Variants in ZEB1 observed in about 807,000 individuals in gnomAD.
ZEB1 encodes the protein zinc finger E-box binding homeobox 1, also known as zinc finger E-box-binding homeobox 1.
A neutral mutation model predicts 84.9 loss-of-function variants in ZEB1; 21 were observed. The observed-to-expected ratio is 0.25, with a 90% CI of 0.18 to 0.36. ZEB1 has a LOEUF of 0.36. Ranked by LOEUF, ZEB1 falls within the 10% of genes least tolerant of loss-of-function variation. ZEB1 has a pLI of 1.00. For missense variants in ZEB1, 1,104 were observed against 1,330.2 expected, an observed-to-expected ratio of 0.83 and a Z score of 2.65; for synonymous variants, 420 against 471.1, an observed-to-expected ratio of 0.89 and a Z score of 1.41.
chr10:31,405,042 C>G (rs943340886), intron 1 of ZEB1, among the ~76,000 whole-genome samples: 1 of 152,146 alleles, frequency 6.6e-6, no homozygotes, highest in African/African-American at 2.4e-5. Context: ...TGCACTGAGT[C>G]TCACAAATTA....
chr10:31,341,897 G>A (rs138817503), intron 1 of ZEB1, among the ~76,000 whole-genome samples: 27 of 152,284 alleles, frequency 1.8e-4, no homozygotes, highest in African/African-American at 6.0e-4. Flanking sequence ...ATTGGTGGGG[G>A]AGATCAGAAT....
chr10:31,510,808 G>A lies in ZEB1; in HGVS notation c.620G>A (p.Ser207Asn). The A allele has an allele frequency of 2.5e-6, 4 of 1,613,954 alleles. No homozygotes were observed. Among genetic ancestry groups the A allele is most frequent in the Non-Finnish European group, 3.4e-6 (4 of 1,179,910 alleles). Residue 207 changes from serine (S) to asparagine (N), a missense_variant, in exon 5 of 9, where the codon AGT (serine) becomes AAT (asparagine). Ser to Asn is a conservative substitution (Grantham distance 46). Around this residue, in one of 7 missense-constraint regions of ZEB1, gnomAD observed 71 missense variants for 119.1 expected, o/e 0.60. Coordinates refer to ENST00000424869, the MANE Select transcript of ZEB1 (RefSeq NM_001174096.2). ...NEDNFSCSLC[S>N]YTFAYRTQLE... Reference sequence around the variant, plus strand: ...GATAACTTTAGTTGCTCCCTGTGCAGTTACACCTTTGCATACAGAACCCAA... The same window carrying A: ...GATAACTTTAGTTGCTCCCTGTGCAATTACACCTTTGCATACAGAACCCAA...
intron 2 of ZEB1, among the ~76,000 whole-genome samples, chr10:31,495,511 C>T (rs2067096123): frequency 6.6e-6 from 1 of 151,880 alleles, no homozygotes; most frequent in African/African-American, 2.4e-5. Flanking sequence ...AGGAAAAAAT[C>T]CAAATTAAAT....
chr10:31,482,167 A>G (rs2065128412), intron 2 of ZEB1, among the ~76,000 whole-genome samples: 2 of 152,060 alleles, frequency 1.3e-5, no homozygotes, highest in African/African-American at 4.8e-5. Flanking sequence ...AGACATAGTG[A>G]CATACCATGT....
At chr10:31,435,995 C>G (rs2058253128) in intron 1 of ZEB1, among the ~76,000 whole-genome samples, 1 of 151,940 alleles carries the variant, frequency 6.6e-6, no homozygotes, top group Non-Finnish European at 1.5e-5. Context: ...GGAATTTGCC[C>G]CTAGAGAAGA....
chr10:31,502,433 T>A lies in ZEB1; in HGVS notation c.408T>A (p.Thr136=), dbSNP rs761082414. The change falls in exon 4 of 9, where the codon ACT becomes ACA. Residue 136 remains threonine (T), a synonymous_variant. Coordinates refer to ENST00000424869, the MANE Select transcript of ZEB1 (RefSeq NM_001174096.2). The stretch of plus-strand genomic sequence containing the variant: ...AAGAGTTTCTACAACAACAAGACAC[T>A]GCTGTCATTTTTCCTGAGGCACCTG... ...NVEEFLQQQD[T]AVIFPEAPEE... is the part of the protein sequence containing the mutation. 4.3e-6 allele frequency: 7 copies of A among 1,613,866 alleles called. No individual in the cohort carries two copies. Among genetic ancestry groups the A allele is most frequent in the Non-Finnish European group, 5.9e-6 (7 of 1,179,834 alleles).
At chr10:31,526,592 C>A in intron 8 of ZEB1, 80 bp from the exon 9 acceptor site, 1 of 1,543,336 alleles carries the variant, frequency 6.5e-7, no homozygotes, top group Non-Finnish European at 8.8e-7. Flanking sequence ...CTTTCTACAA[C>A]ATGAAGTACC....
intron 1 of ZEB1, among the ~76,000 whole-genome samples, chr10:31,445,369 A>C (rs2059622334): frequency 6.7e-6 from 1 of 149,326 alleles, no homozygotes. Context: ...AAACAGGGAC[A>C]ATTTGACTTC....
At chr10:31,379,705 G>A (rs534615542) in intron 1 of ZEB1, among the ~76,000 whole-genome samples, 9 of 132,344 alleles carry the variant, frequency 6.8e-5, no homozygotes, top group African/African-American at 3.3e-4. Context: ...TGTTCCAAAG[G>A]CTTGAATTAA....
intron 1 of ZEB1, among the ~76,000 whole-genome samples, chr10:31,443,874 C>T (rs1401744915): frequency 2.0e-5 from 3 of 151,274 alleles, no homozygotes; most frequent in South Asian, 2.1e-4. Flanking sequence ...AATAAACATA[C>T]GTGTGCATGT....
At chr10:31,508,085 G>T (rs929120528) in intron 4 of ZEB1, among the ~76,000 whole-genome samples, 1 of 152,096 alleles carries the variant, frequency 6.6e-6, no homozygotes, top group Non-Finnish European at 1.5e-5. Context: ...TGATTTCCTC[G>T]TTGGCTTAGG....
chr10:31,345,546 A>G lies in ZEB1; in HGVS notation c.58+26254A>G, dbSNP rs370221777. The stretch of plus-strand genomic sequence containing the variant: ...CCATAAAGAGCTAAAGACAAAACCA[A>G]ATCAACTGCTAACACCTTTTATGGG... On this transcript the variant is annotated intron_variant, in intron 1 of 8. Transcript: ENST00000424869. Among the ~76,000 whole-genome samples the G allele has an allele frequency of 9.9e-5, 15 of 152,230 alleles. No homozygotes were observed. In the East Asian group the frequency reaches 1.7e-3, roughly 18 times the overall value.
Position 31,520,172 on chromosome 10 carries a change from T to C in ZEB1, c.840T>C (p.His280=), listed in dbSNP as rs2071995731. The change falls in exon 7 of 9, where the codon CAT becomes CAC. Residue 280 remains histidine, a synonymous_variant. Transcript: ENST00000424869. This position sits in a 1 kb window ranked among gnomAD's most constrained non-coding sequence, Gnocchi z 5.1. ...ECPNCKKRFS[H]SGSYSSHISS... ...CAAACTGCAAGAAACGCTTTTCCCATTCTGGCTCCTATAGCTCACACATAA... is the reference window on the plus strand; with the variant it reads ...CAAACTGCAAGAAACGCTTTTCCCACTCTGGCTCCTATAGCTCACACATAA... The C allele has an allele frequency of 1.2e-6, 2 of 1,613,796 alleles. No individual in the cohort carries two copies. Among genetic ancestry groups the C allele is most frequent in the Admixed American group, 1.7e-5 (1 of 59,984 alleles).
intron 1 of ZEB1, among the ~76,000 whole-genome samples, chr10:31,365,566 T>A (rs1028434490): frequency 3.9e-5 from 6 of 152,232 alleles, no homozygotes; most frequent in Non-Finnish European, 8.8e-5. Flanking sequence ...TATCTTTCAT[T>A]TAATAAGTAT....
chr10:31,437,770 C>G (rs2058457075), intron 1 of ZEB1, among the ~76,000 whole-genome samples: 1 of 152,212 alleles, frequency 6.6e-6, no homozygotes, highest in Non-Finnish European at 1.5e-5. Context: ...CCTATGATTT[C>G]TCTTCCCATG....
At chr10:31,379,243 T>C (rs1309193304) in intron 1 of ZEB1, among the ~76,000 whole-genome samples, 3 of 152,008 alleles carry the variant, frequency 2.0e-5, no homozygotes, top group Non-Finnish European at 2.9e-5. Flanking sequence ...TGTTGAGAAA[T>C]GGAGGTAGGA....
intron 1 of ZEB1, among the ~76,000 whole-genome samples, chr10:31,459,567 G>GA (rs2061595788): frequency 6.6e-6 from 1 of 151,952 alleles, no homozygotes; most frequent in Non-Finnish European, 1.5e-5. Flanking sequence ...AAATAAGAGA[G>GA]AAAACCATTT....
At chr10:31,435,913 G>A (rs2058243253) in intron 1 of ZEB1, among the ~76,000 whole-genome samples, 1 of 152,216 alleles carries the variant, frequency 6.6e-6, no homozygotes, top group African/African-American at 2.4e-5. Flanking sequence ...ACAGGCGGAA[G>A]CAAACTAGTG....
chr10:31,382,023 A>C lies in ZEB1; in HGVS notation c.58+62731A>C, dbSNP rs924017097. 5.6e-3 allele frequency among the ~76,000 whole-genome samples: 840 copies of C among 149,094 alleles called. 19 individuals are homozygous for C. The highest frequency in any genetic ancestry group is 0.019 in the African/African-American group (760 of 39,168). On this transcript the variant is annotated intron_variant, in intron 1 of 8. Transcript: ENST00000424869. The stretch of plus-strand genomic sequence containing the variant: ...GACTGTCTCAAAAAAAAAAAAAAAA[A>C]AAAAAAAAAAACAAAGTAAATTTCC...
Sources: gnomAD v4.1 joint callset for allele counts (sites outside exome capture counted in the v4.1 genomes callset) on GRCh38, gnomAD v4.1.1 for gene constraint, gnomAD v4.1.1 regional missense constraint, Gnocchi (gnomAD v3.1) non-coding constraint, MANE v1.5 for transcripts, NCBI Gene and HGNC (gene_info 2026-07-23, HGNC 2026-07-21) for gene names.